PPP3CA: variants seen among roughly 807,000 people sequenced by gnomAD.
PPP3CA encodes protein phosphatase 3 catalytic subunit alpha, also known as CAM-PRP catalytic subunit.
In PPP3CA, 14 loss-of-function variants were observed where a neutral mutation model predicts 66.5. The ratio of observed to expected loss-of-function variants is 0.21; its 90% CI spans 0.14 to 0.33. The LOEUF is 0.33. Among genes scored for constraint, PPP3CA ranks in the 10% least tolerant of loss-of-function variants. The probability of loss-of-function intolerance (pLI) is 1.00; values close to 1 mark genes in which losing one functional copy is unlikely to be tolerated. For synonymous variants in PPP3CA, 232 were observed against 226.2 expected, an observed-to-expected ratio of 1.03 and a Z score of -0.23; for missense variants, 317 against 639.5, an observed-to-expected ratio of 0.50 and a Z score of 5.44.
At chr4:101,115,895 A>G (rs1721823857) in intron 2 of PPP3CA, among the ~76,000 whole-genome samples, 1 of 151,920 alleles carries the variant, frequency 6.6e-6, no homozygotes, top group South Asian at 2.1e-4. Context: ...AAAGTTTACG[A>G]AAATTAGGTT....
intron 1 of PPP3CA, among the ~76,000 whole-genome samples, chr4:101,208,688 A>G (rs955881159): frequency 5.3e-5 from 8 of 152,240 alleles, no homozygotes; most frequent in Admixed American, 4.6e-4. Flanking sequence ...AATTTTAAAT[A>G]ATTTTAAAAG....
intron 1 of PPP3CA, among the ~76,000 whole-genome samples, chr4:101,262,074 A>T (rs1025194539): frequency 6.6e-6 from 1 of 152,136 alleles, no homozygotes; most frequent in Non-Finnish European, 1.5e-5. Context: ...CTGACCAGGA[A>T]CTAAGGTAAA....
chr4:101,136,925 A>T (rs1722641653), intron 2 of PPP3CA, among the ~76,000 whole-genome samples: 1 of 152,170 alleles, frequency 6.6e-6, no homozygotes, highest in African/African-American at 2.4e-5. Flanking sequence ...CTTATAACTC[A>T]AAGAGACAAT....
At chr4:101,037,850 C>T (rs892411644) in intron 11 of PPP3CA, among the ~76,000 whole-genome samples, 2 of 152,174 alleles carry the variant, frequency 1.3e-5, no homozygotes, top group Non-Finnish European at 2.9e-5. Context: ...TCCTCACTCA[C>T]CTTCATGTCT....
chr4:101,056,127 G>A (rs1387753308), intron 10 of PPP3CA, among the ~76,000 whole-genome samples: 2 of 152,112 alleles, frequency 1.3e-5, no homozygotes, highest in Non-Finnish European at 2.9e-5. Flanking sequence ...AGGCTCTGTT[G>A]CACTTTACTA....
intron 2 of PPP3CA, among the ~76,000 whole-genome samples, chr4:101,135,733 A>G (rs190730943): frequency 9.2e-5 from 14 of 152,366 alleles, no homozygotes; most frequent in Admixed American, 2.0e-4. Flanking sequence ...TGGCACTGTG[A>G]TGTAATGAGC....
chr4:101,132,953 A>G (rs1347835289), intron 2 of PPP3CA, among the ~76,000 whole-genome samples: 1 of 152,212 alleles, frequency 6.6e-6, no homozygotes, highest in Non-Finnish European at 1.5e-5. Context: ...ACATACGCAA[A>G]CCAATAAACA....
At chr4:101,287,649 A>G (rs1727886690) in intron 1 of PPP3CA, among the ~76,000 whole-genome samples, 1 of 152,220 alleles carries the variant, frequency 6.6e-6, no homozygotes, top group South Asian at 2.1e-4. Flanking sequence ...AGCCAGGACA[A>G]GAAAGACGCT....
intron 3 of PPP3CA, among the ~76,000 whole-genome samples, chr4:101,108,631 T>G (rs948210282): frequency 6.6e-6 from 1 of 152,036 alleles, no homozygotes; most frequent in Non-Finnish European, 1.5e-5. Flanking sequence ...CTGGGCATGG[T>G]GGTGGGCGCG....
At chr4:101,101,293 A>G (rs1289964800) in intron 3 of PPP3CA, among the ~76,000 whole-genome samples, 1 of 152,190 alleles carries the variant, frequency 6.6e-6, no homozygotes, top group Admixed American at 6.5e-5. Context: ...TCTCTGCTAC[A>G]GATCGGGTTT....
intron 1 of PPP3CA, among the ~76,000 whole-genome samples, chr4:101,299,706 T>C (rs1728313679): frequency 6.6e-6 from 1 of 152,166 alleles, no homozygotes; most frequent in South Asian, 2.1e-4. Flanking sequence ...TCTTTTTAAA[T>C]ACCCCCATTG....
chr4:101,300,531 A>C (rs1728341215), intron 1 of PPP3CA, among the ~76,000 whole-genome samples: 1 of 152,168 alleles, frequency 6.6e-6, no homozygotes, highest in South Asian at 2.1e-4. Context: ...GTGGTGGTTC[A>C]TGCCTGTAAT....
At chr4:101,224,347 A>ACCC (rs1725716057) in intron 1 of PPP3CA, among the ~76,000 whole-genome samples, 1 of 151,564 alleles carries the variant, frequency 6.6e-6, no homozygotes, top group Non-Finnish European at 1.5e-5. Context: ...ATTCTGTTGT[A>ACCC]CCCCTACTCC....
chr4:101,184,261 T>C (rs1724335625), intron 2 of PPP3CA, among the ~76,000 whole-genome samples: 1 of 152,164 alleles, frequency 6.6e-6, no homozygotes, highest in Non-Finnish European at 1.5e-5. Context: ...AGGAAGAAAC[T>C]ATCCAGGTCC....
intron 2 of PPP3CA, among the ~76,000 whole-genome samples, chr4:101,145,223 C>T (rs2695207): frequency 0.31 from 46,693 of 152,016 alleles, 10,269 homozygotes; most frequent in African/African-American, 0.62. Context: ...ATGGAGAACA[C>T]TTTGGAAGTT....
intron 1 of PPP3CA, among the ~76,000 whole-genome samples, chr4:101,221,119 T>C (rs2851003): frequency 0.11 from 16,839 of 151,672 alleles, 1,358 homozygotes; most frequent in East Asian, 0.31. Context: ...CTTGCTTCCA[T>C]AGATTCTAAG....
intron 2 of PPP3CA, among the ~76,000 whole-genome samples, chr4:101,109,308 TAAAAA>T (rs70961775): frequency 1.1e-5 from 1 of 90,044 alleles, no homozygotes; most frequent in Admixed American, 1.2e-4. Flanking sequence ...ACAGATTAAC[TAAAAA>T]AAAAAAAAAA....
chr4:101,331,629 G>A (rs1157749945), intron 1 of PPP3CA, among the ~76,000 whole-genome samples: 1 of 152,202 alleles, frequency 6.6e-6, no homozygotes, highest in East Asian at 1.9e-4. Flanking sequence ...AGTGTTCCAT[G>A]CAGAGGTAAA....
intron 2 of PPP3CA, among the ~76,000 whole-genome samples, chr4:101,194,448 A>C (rs1724720793): frequency 1.3e-5 from 2 of 152,362 alleles, no homozygotes; most frequent in South Asian, 2.1e-4. Context: ...TGTCTAAATC[A>C]GAATAATATT....
Sources: allele counts gnomAD v4.1 joint callset (sites outside exome capture counted in the v4.1 genomes callset), GRCh38; gene constraint gnomAD v4.1.1; transcripts MANE v1.5; gene names NCBI Gene and HGNC (gene_info 2026-07-23, HGNC 2026-07-21).